The following TMEM272 variants were observed in gnomAD, a reference collection of about 807,000 sequenced individuals.
The protein encoded by TMEM272 is transmembrane protein 272.
In TMEM272, 8 loss-of-function variants were observed where a neutral mutation model predicts 3.7. That is an observed-to-expected ratio of 2.17 (90% CI 1.27 to 3.91). The LOEUF (loss-of-function observed/expected upper bound fraction) is 3.91. Among genes scored for constraint, TMEM272 ranks in the 30% most tolerant of loss-of-function variants. The probability of loss-of-function intolerance (pLI) is 0.00; values close to 1 mark genes in which losing one functional copy is unlikely to be tolerated. For missense variants in TMEM272, 166 were observed against 91.5 expected (o/e 1.81, Z -3.32); for synonymous variants, 63 against 39.8 (o/e 1.58, Z -2.20).
intron 4 of TMEM272, among the ~76,000 whole-genome samples, chr13:51,819,428 C>G (rs1956060486): frequency 6.6e-6 from 1 of 152,138 alleles, no homozygotes; most frequent in Non-Finnish European, 1.5e-5. Flanking sequence ...AGGAATTCCC[C>G]CACCCACCAC....
chr13:51,901,282 T>C, the TMEM272 span, among the ~76,000 whole-genome samples: 1 of 152,190 alleles, frequency 6.6e-6, no homozygotes, highest in Non-Finnish European at 1.5e-5. Context: ...TGGCTGCATC[T>C]GGTCCAGCTA....
At position 51,814,402 on chromosome 13, in the gene TMEM272, A is replaced by C. The variant is rs991379993; in HGVS notation, c.*2349T>G. 3 of 152,214 alleles carry C rather than the reference A, an allele frequency of 2.0e-5. No individual in the cohort carries two copies. The highest frequency in any genetic ancestry group is 2.9e-5 in the Non-Finnish European group (2 of 68,030). 9.4% of individuals were successfully genotyped at this position (152,214 alleles called of 1,614,324 possible). On this transcript the variant is annotated 3_prime_UTR_variant, in exon 5 of 5. Transcript: ENST00000629372. ...CACTGAACCATTCAGTGTCCCCTCT[A>C]TGAATGGATGCACATGAACATTTTC... is the stretch of plus-strand genomic sequence containing the variant.
At chr13:51,865,777 G>T in the TMEM272 span, 1 of 1,614,150 alleles carries the variant, frequency 6.2e-7, no homozygotes, top group Non-Finnish European at 8.5e-7. Flanking sequence ...AGGAGGATAA[G>T]GCCTTCTGGA....
the TMEM272 span, among the ~76,000 whole-genome samples, chr13:51,885,947 A>C: frequency 3.3e-5 from 5 of 152,246 alleles, no homozygotes; most frequent in African/African-American, 1.2e-4. Context: ...AAAGCTTGCC[A>C]GCCTTATGCT....
At chr13:51,869,281 A>G in the TMEM272 span, among the ~76,000 whole-genome samples, 2 of 152,148 alleles carry the variant, frequency 1.3e-5, no homozygotes, top group South Asian at 4.1e-4. Flanking sequence ...ATTAACCTCA[A>G]CAAAGCTATT....
intron 4 of TMEM272, among the ~76,000 whole-genome samples, chr13:51,820,938 C>T (rs1956073319): frequency 6.6e-6 from 1 of 152,194 alleles, no homozygotes; most frequent in African/African-American, 2.4e-5. Flanking sequence ...GTGAGGTTAC[C>T]TCAAACACAA....
chr13:51,913,261 G>C, the TMEM272 span, among the ~76,000 whole-genome samples: 1 of 152,174 alleles, frequency 6.6e-6, no homozygotes, highest in African/African-American at 2.4e-5. Flanking sequence ...ATTCTACTGA[G>C]ATACACTGAA....
At chr13:51,909,645 A>G in the TMEM272 span, 19 of 1,506,914 alleles carry the variant, frequency 1.3e-5, no homozygotes, top group Admixed American at 1.2e-4. Context: ...TAAGGTTGTT[A>G]AAGAAGCATT....
chr13:51,873,628 T>C, the TMEM272 span, among the ~76,000 whole-genome samples: 2 of 152,226 alleles, frequency 1.3e-5, no homozygotes, highest in Admixed American at 6.5e-5. Flanking sequence ...AATTCCCTTG[T>C]GATGTTGGAC....
chr13:51,928,670 T>C, the TMEM272 span, among the ~76,000 whole-genome samples: 440 of 152,078 alleles, frequency 2.9e-3, no homozygotes, highest in African/African-American at 9.7e-3. Flanking sequence ...GATGAGAAAA[T>C]AGAGGTCTGG....
In TMEM272 at chr13:51,816,346, G is replaced by T. The variant is rs1351755086; in HGVS notation, c.*405C>A. On this transcript the variant is annotated 3_prime_UTR_variant, in exon 5 of 5. Transcript: ENST00000629372. Reference sequence around the variant, plus strand: ...TCTGTGCACTTTCTATAACTTCAAGGTGACCATGGCTGAATGACAGCAGCA... The same window carrying T: ...TCTGTGCACTTTCTATAACTTCAAGTTGACCATGGCTGAATGACAGCAGCA... The T allele has an allele frequency of 2.3e-5, 4 of 170,220 alleles. No individual in the cohort carries two copies. In the East Asian group the frequency reaches 6.0e-4, roughly 25 times the overall value. The allele number at this position is 170,220 out of a possible 1,614,324, so 10.5% of individuals were successfully genotyped here. A position where few individuals can be genotyped will look rare whatever the true frequency, so the allele number is the denominator to read the frequency against.
At position 51,814,787 on chromosome 13, in the gene TMEM272, A is replaced by G. The variant is rs903848339; in HGVS notation, c.*1964T>C. On this transcript the variant is annotated 3_prime_UTR_variant, in exon 5 of 5. Transcript: ENST00000629372. The stretch of plus-strand genomic sequence containing the variant: ...CTCTGGTGATACTCATGCCTACCAG[A>G]AACTGGGAATGTCCAACGTTTGAGA... The G allele has an allele frequency of 1.3e-5, 2 of 152,294 alleles. No individual in the cohort carries two copies. Among genetic ancestry groups the G allele is most frequent in the African/African-American group, 2.4e-5 (1 of 41,456 alleles). 9.4% of individuals were successfully genotyped at this position (152,294 alleles called of 1,614,324 possible).
the TMEM272 span, among the ~76,000 whole-genome samples, chr13:51,931,628 A>T: frequency 6.6e-6 from 1 of 152,194 alleles, no homozygotes. Context: ...CCTAGAACTT[A>T]AAGTATAACA....
chr13:51,878,817 G>A, the TMEM272 span, among the ~76,000 whole-genome samples: 1 of 152,066 alleles, frequency 6.6e-6, no homozygotes, highest in Non-Finnish European at 1.5e-5. Context: ...AAATTTATAT[G>A]TAATATATTT....
the TMEM272 span, among the ~76,000 whole-genome samples, chr13:51,924,451 G>A: frequency 1.3e-5 from 2 of 152,130 alleles, no homozygotes; most frequent in Non-Finnish European, 2.9e-5. Context: ...AGGGGGTGCT[G>A]GGTCTGTTGA....
chr13:51,820,390 C>T (rs1007384902), intron 4 of TMEM272, among the ~76,000 whole-genome samples: 2 of 152,168 alleles, frequency 1.3e-5, no homozygotes, highest in African/African-American at 2.4e-5. Context: ...TCCTGTTTGC[C>T]GCTGCTCTAA....
At chr13:51,835,758 T>C (rs907023005) in intron 2 of TMEM272, among the ~76,000 whole-genome samples, 21 of 152,210 alleles carry the variant, frequency 1.4e-4, no homozygotes, top group African/African-American at 4.6e-4. Flanking sequence ...TTCAAACAAA[T>C]ACAAAGAGTA....
chr13:51,864,096 C>T, the TMEM272 span, among the ~76,000 whole-genome samples: 1 of 150,776 alleles, frequency 6.6e-6, no homozygotes, highest in South Asian at 2.1e-4. Flanking sequence ...CCTTCCCTCC[C>T]TTCCTTCCTT....
At chr13:51,865,724 G>C in the TMEM272 span, 1 of 1,614,146 alleles carries the variant, frequency 6.2e-7, no homozygotes, top group Non-Finnish European at 8.5e-7. Context: ...GTCTTTCAGG[G>C]AGGAAGAGAA....
Sources: allele counts gnomAD v4.1 joint callset (sites outside exome capture counted in the v4.1 genomes callset), GRCh38; gene constraint gnomAD v4.1.1; transcripts MANE v1.5; gene names NCBI Gene and HGNC (gene_info 2026-07-23, HGNC 2026-07-21).